The following SLC26A9 variants were observed in gnomAD, a reference collection of about 807,000 sequenced individuals.
SLC26A9 encodes the protein solute carrier family 26 member 9.
A neutral mutation model predicts 87.1 loss-of-function variants in SLC26A9; 46 were observed. That is an observed-to-expected ratio of 0.53 (90% confidence interval 0.42 to 0.67). SLC26A9 has a LOEUF of 0.67. Among genes scored for constraint, SLC26A9 ranks in the 30% least tolerant of loss-of-function variants. The pLI, the probability that SLC26A9 is intolerant of heterozygous loss-of-function variation, is 0.00. For synonymous variants in SLC26A9, 437 were observed against 409.1 expected (o/e 1.07, Z -0.82); for missense variants, 927 against 1,018.3 (o/e 0.91, Z 1.22).
intron 1 of SLC26A9, among the ~76,000 whole-genome samples, chr1:205,939,234 C>T (rs1231661892): frequency 6.6e-6 from 1 of 152,204 alleles, no homozygotes; most frequent in East Asian, 1.9e-4. Context: ...AAAGAAACTG[C>T]ACTTGATTTA....
rs556634347 is a variant in SLC26A9, at chr1:205,932,025, G to C, written c.387C>G (p.Ala129=). 1 of 1,614,130 alleles carries C rather than the reference G, an allele frequency of 6.2e-7. No homozygotes were observed. The highest frequency in any genetic ancestry group is 1.7e-5 in the Admixed American group (1 of 60,028). ...GVHQMVPGTF[A]VISILVGNIC... is the part of the protein sequence containing the mutation. The stretch of plus-strand genomic sequence containing the variant: ...TGTTACCCACCAGGATGCTGATAAC[G>C]GCAAAGGTACCTGTGGTGCCCCACC... The change falls in exon 5 of 21, where the codon GCC becomes GCG. Residue 129 remains alanine (A), a synonymous_variant. Transcript: ENST00000367135.
At chr1:205,932,470 C>T (rs1659343588) in intron 4 of SLC26A9, among the ~76,000 whole-genome samples, 1 of 152,316 alleles carries the variant, frequency 6.6e-6, no homozygotes, top group East Asian at 1.9e-4. Flanking sequence ...GTCTTCCTCT[C>T]ATTCCTAGGA....
At chr1:205,934,421 T>C (rs1659427580) in intron 2 of SLC26A9, among the ~76,000 whole-genome samples, 2 of 152,106 alleles carry the variant, frequency 1.3e-5, no homozygotes, top group African/African-American at 4.8e-5. Context: ...AATAGAGAGC[T>C]GGCTAGGGAA....
At position 205,927,608 on chromosome 1, in the gene SLC26A9, G is replaced by A. The variant is rs373841642; in HGVS notation, c.1102-3C>T. ...CTGCAGCCGAGAGCGATCATCTCCT[G>A]CAGGGAGGGGACAGGATTAGAAGCC... On this transcript the variant is annotated splice_polypyrimidine_tract_variant and splice_region_variant and intron_variant, in intron 9 of 20. Coordinates refer to ENST00000367135, the MANE Select transcript of SLC26A9 (RefSeq NM_052934.4). 1.2e-6 allele frequency: 2 copies of A among 1,612,094 alleles called. No homozygotes were observed. Among genetic ancestry groups the A allele is most frequent in the Non-Finnish European group, 1.7e-6 (2 of 1,178,828 alleles).
chr1:205,919,747 G>A (rs1453494142), intron 18 of SLC26A9, among the ~76,000 whole-genome samples: 1 of 152,158 alleles, frequency 6.6e-6, no homozygotes, highest in African/African-American at 2.4e-5. Context: ...TATGTTCCCT[G>A]GGGAATTAGG....
At position 205,921,636 on chromosome 1, in the gene SLC26A9, A is replaced by C; in HGVS notation, c.1985T>G (p.Phe662Cys). 1 of 1,610,234 alleles carries C rather than the reference A, an allele frequency of 6.2e-7. No individual in the cohort carries two copies. Among genetic ancestry groups the C allele is most frequent in the Non-Finnish European group, 8.5e-7 (1 of 1,178,414 alleles). The change falls in exon 17 of 21, where the codon TTC (phenylalanine) becomes TGC (cysteine). Residue 662 changes from phenylalanine (F) to cysteine (C), a missense_variant. Phe to Cys is a radical substitution (Grantham distance 205). Coordinates refer to ENST00000367135, the MANE Select transcript of SLC26A9 (RefSeq NM_052934.4). ...MLASVPPFVT[F>C]HTLILDMSGV... ...ACTCATGTCCAGGATGAGGGTGTGG[A>C]AGGTGACGAAGGGTGGGACGCTGGC... is the stretch of plus-strand genomic sequence containing the variant.
chr1:205,924,553 C>T (rs1658989221), intron 12 of SLC26A9, 64 bp from the exon 13 acceptor site: 4 of 1,471,952 alleles, frequency 2.7e-6, no homozygotes, highest in Middle Eastern at 1.7e-4. Flanking sequence ...GGAAGTCTTC[C>T]TGGATTAGCC....
Position 205,933,029 on chromosome 1 carries a change from A to G in SLC26A9, c.181T>C (p.Trp61Arg), listed in dbSNP as rs762646604. The stretch of plus-strand genomic sequence containing the variant: ...TCTTTAATCTTGTACTTGGGGAGCC[A>G]GGAGAGCACAGGCAGCAGCCCAAAC... ...VVFGLLPVLS[W>R]LPKYKIKDYI... is the part of the protein sequence containing the mutation. Residue 61 changes from tryptophan (W) to arginine (R), a missense_variant, in exon 3 of 21, where the codon TGG becomes CGG. Physicochemically the swap from Trp to Arg is moderately radical, Grantham distance 101 (BLOSUM62 -3). Transcript: ENST00000367135. The G allele has an allele frequency of 6.2e-7, 1 of 1,614,192 alleles. No homozygotes were observed. The highest frequency in any genetic ancestry group is 2.2e-5 in the East Asian group (1 of 44,878).
intron 1 of SLC26A9, among the ~76,000 whole-genome samples, chr1:205,937,692 G>T (rs1659573806): frequency 6.6e-6 from 1 of 152,160 alleles, no homozygotes; most frequent in African/African-American, 2.4e-5. Flanking sequence ...CACCGCCCGT[G>T]AGGCGGGGTG....
chr1:205,923,274 T>C, intron 15 of SLC26A9, 61 bp downstream of exon 15: 3 of 1,611,350 alleles, frequency 1.9e-6, no homozygotes, highest in Non-Finnish European at 2.5e-6. Context: ...ACCGCCCTTC[T>C]GCTTCCATTT....
rs1026466308 is a variant in SLC26A9, at chr1:205,913,704, C to T, written c.*1653G>A. On this transcript the variant is annotated 3_prime_UTR_variant, in exon 21 of 21. Coordinates refer to ENST00000367135, the MANE Select transcript of SLC26A9 (RefSeq NM_052934.4). ...GTGAATCCCAGATAACATTGTCCTT[C>T]GCCTTCCAAGTTTTGAGTTCCATTG... is the stretch of plus-strand genomic sequence containing the variant. The T allele has an allele frequency of 2.0e-5, 3 of 152,630 alleles. No homozygotes were observed. The highest frequency in any genetic ancestry group is 2.9e-5 in the Non-Finnish European group (2 of 68,046). 9.5% of individuals were successfully genotyped at this position (152,630 alleles called of 1,614,324 possible).
Position 205,931,465 on chromosome 1 carries a change from G to GTTTTT in SLC26A9, c.552+390_552+394dup, listed in dbSNP as rs34820138. Among the ~76,000 whole-genome samples, 80 of 95,960 alleles carry GTTTTT rather than the reference G, an allele frequency of 8.3e-4. 6 individuals are homozygous for GTTTTT. Among genetic ancestry groups the GTTTTT allele is most frequent in the African/African-American group, 2.3e-3 (52 of 23,084 alleles). The allele number at this position is 95,960 out of a possible 152,430, so 63.0% of individuals were successfully genotyped here. On this transcript the variant is annotated intron_variant, in intron 5 of 20. Transcript: ENST00000367135. ...GAGGGAGGAGGTGAGCCCTAACTTG[G>GTTTTT]TTTTTTTTTTTTTTTTTTTGAGACG...
rs1658988944 is a variant in SLC26A9 at position 205,924,549 on chromosome 1, C to G, written c.1390-60G>C. On this transcript the variant is annotated intron_variant, in intron 12 of 20. Coordinates refer to ENST00000367135, the MANE Select transcript of SLC26A9 (RefSeq NM_052934.4). ...GAAAAAACAACCTCTTTCAGGAAGT[C>G]TTCCTGGATTAGCCAAGGCCATTCT... is the stretch of plus-strand genomic sequence containing the variant. 3 of 1,512,430 alleles carry G rather than the reference C, an allele frequency of 2.0e-6. No individual in the cohort carries two copies. In the Admixed American group the frequency reaches 5.3e-5, roughly 27 times the overall value. 93.7% of individuals were successfully genotyped at this position (1,512,430 alleles called of 1,614,324 possible).
In SLC26A9 at chr1:205,914,741, G is replaced by A. The variant is rs1658501840; in HGVS notation, c.*616C>T. On this transcript the variant is annotated 3_prime_UTR_variant, in exon 21 of 21. Coordinates refer to ENST00000367135, the MANE Select transcript of SLC26A9 (RefSeq NM_052934.4). Reference sequence around the variant, plus strand: ...GCTTGCTGACAGCAGTGGTGGTTTGGGCAGCCTTGGGGATGATGGAGGGGG... The same window carrying A: ...GCTTGCTGACAGCAGTGGTGGTTTGAGCAGCCTTGGGGATGATGGAGGGGG... The A allele has an allele frequency of 1.0e-6, 1 of 971,596 alleles. No individual in the cohort carries two copies. Among genetic ancestry groups the A allele is most frequent in the Non-Finnish European group, 1.5e-6 (1 of 662,878 alleles). 60.2% of individuals were successfully genotyped at this position (971,596 alleles called of 1,614,324 possible).
In SLC26A9 at chr1:205,915,402, C is replaced by A; in HGVS notation, c.2331G>T (p.Glu777Asp). ...DIRSYWDLEQ[E>D]MFGSMFHAET... ...CTGCGTGAAACATGCTCCCGAACAT[C>A]TCCTGCAGGAACCACAGGAAGGAAG... Residue 777 changes from glutamate to aspartate, a missense_variant and splice_region_variant, in exon 21 of 21, where the codon GAG (glutamate) becomes GAT (aspartate). Transcript: ENST00000367135. The A allele has an allele frequency of 6.2e-7, 1 of 1,614,056 alleles. No individual in the cohort carries two copies. The highest frequency in any genetic ancestry group is 8.5e-7 in the Non-Finnish European group (1 of 1,180,022).
chr1:205,932,040 G>T lies in SLC26A9; in HGVS notation c.377-5C>A, dbSNP rs762466358. ...TGCTGATAACGGCAAAGGTACCTGT[G>T]GTGCCCCACCCAGCCAGCAAAAATC... On this transcript the variant is annotated splice_region_variant and splice_polypyrimidine_tract_variant and intron_variant, in intron 4 of 20. Coordinates refer to ENST00000367135, the MANE Select transcript of SLC26A9 (RefSeq NM_052934.4). 13 of 1,613,952 alleles carry T rather than the reference G, an allele frequency of 8.1e-6. No homozygotes were observed. In the East Asian group the frequency reaches 2.9e-4, roughly 36 times the overall value.
chr1:205,940,156 C>A (rs1302552403), intron 1 of SLC26A9, among the ~76,000 whole-genome samples: 1 of 152,064 alleles, frequency 6.6e-6, no homozygotes, highest in Non-Finnish European at 1.5e-5. Context: ...CACTCCCATG[C>A]ACTGGCAGGA....
intron 1 of SLC26A9, among the ~76,000 whole-genome samples, chr1:205,940,264 G>A (rs1483089897): frequency 1.3e-5 from 2 of 152,154 alleles, no homozygotes; most frequent in African/African-American, 2.4e-5. Flanking sequence ...TGCAGGGAGG[G>A]CACAGGCTGG....
In SLC26A9 at chr1:205,927,542, A is replaced by G; in HGVS notation, c.1165T>C (p.Cys389Arg). 1 of 1,614,162 alleles carries G rather than the reference A, an allele frequency of 6.2e-7. No individual in the cohort carries two copies. The highest frequency in any genetic ancestry group is 8.5e-7 in the Non-Finnish European group (1 of 1,180,026). Residue 389 changes from cysteine (C) to arginine (R), a missense_variant, in exon 10 of 21, where the codon TGT becomes CGT. Cys to Arg is a radical substitution (Grantham distance 180). Transcript: ENST00000367135. ...ACAGCCAGAGTGACAGAAAGCGCAC[A>G]GCAAATGACATGAATTTTAAAGAAG... ...GSFFKIHVIC[C>R]ALSVTLAVDG...
Sources: gnomAD v4.1 joint callset for allele counts (sites outside exome capture counted in the v4.1 genomes callset) on GRCh38, gnomAD v4.1.1 for gene constraint, MANE v1.5 for transcripts, NCBI Gene and HGNC (gene_info 2026-07-23, HGNC 2026-07-21) for gene names.